CEP128: variants seen among roughly 807,000 people sequenced by gnomAD.
CEP128 encodes centrosomal protein 128.
Under a neutral mutation model 156.7 loss-of-function variants are expected in CEP128, and 132 were observed. The ratio of observed to expected loss-of-function variants is 0.84; its 90% CI spans 0.73 to 0.97. The LOEUF (loss-of-function observed/expected upper bound fraction) is 0.97. Among genes scored for constraint, CEP128 ranks in the 50% least tolerant of loss-of-function variants. CEP128 has a pLI of 0.00. For missense variants in CEP128, 1,252 were observed against 1,281.9 expected, an observed-to-expected ratio of 0.98 and a Z score of 0.36; for synonymous variants, 469 against 448.9, an observed-to-expected ratio of 1.04 and a Z score of -0.57.
At chr14:80,587,483 A>C (rs1891867904) in intron 19 of CEP128, among the ~76,000 whole-genome samples, 1 of 152,176 alleles carries the variant, frequency 6.6e-6, no homozygotes, top group Admixed American at 6.6e-5. Flanking sequence ...TTTGATGTTA[A>C]TTCATTTCTG....
chr14:80,815,182 C>T (rs142723268), intron 13 of CEP128, among the ~76,000 whole-genome samples: 20 of 152,234 alleles, frequency 1.3e-4, no homozygotes, highest in African/African-American at 4.6e-4. Context: ...GACTGATAAA[C>T]AGAATTTACA....
chr14:80,565,036 G>A (rs879491074), intron 20 of CEP128, among the ~76,000 whole-genome samples: 31 of 152,210 alleles, frequency 2.0e-4, no homozygotes, highest in Admixed American at 2.0e-3. Context: ...TCCAGCCTGG[G>A]CAAAAGGAGT....
At chr14:80,820,089 G>A (rs529445807) in intron 13 of CEP128, among the ~76,000 whole-genome samples, 1 of 152,028 alleles carries the variant, frequency 6.6e-6, no homozygotes, top group African/African-American at 2.4e-5. Flanking sequence ...ATTATATTTT[G>A]GATGTAGGAT....
intron 16 of CEP128, among the ~76,000 whole-genome samples, chr14:80,771,399 A>T (rs1900503438): frequency 1.3e-5 from 2 of 152,182 alleles, no homozygotes; most frequent in Admixed American, 6.5e-5. Flanking sequence ...AGTTTCTACC[A>T]TCTGTAGAAA....
intron 8 of CEP128, among the ~76,000 whole-genome samples, chr14:80,884,449 T>A (rs769135489): frequency 3.9e-5 from 6 of 152,128 alleles, no homozygotes; most frequent in Non-Finnish European, 8.8e-5. Flanking sequence ...CATTTCCAAC[T>A]GAGGTATCAA....
At chr14:80,549,960 C>A (rs1890145424) in intron 21 of CEP128, among the ~76,000 whole-genome samples, 1 of 152,190 alleles carries the variant, frequency 6.6e-6, no homozygotes, top group South Asian at 2.1e-4. Flanking sequence ...TCCATAGAGA[C>A]ACATGGGCAT....
chr14:80,821,951 A>T (rs571298413), intron 13 of CEP128, among the ~76,000 whole-genome samples: 1 of 114,880 alleles, frequency 8.7e-6, no homozygotes, highest in South Asian at 2.6e-4. Context: ...AAGAGAAAGG[A>T]GCTTGTGCAG....
At chr14:80,658,226 A>G (rs1238953934) in intron 19 of CEP128, among the ~76,000 whole-genome samples, 1 of 152,230 alleles carries the variant, frequency 6.6e-6, no homozygotes, top group African/African-American at 2.4e-5. Context: ...CAACTATGGA[A>G]GGATTATGGT....
chr14:80,544,542 GACCT>G (rs1404256155), intron 21 of CEP128, among the ~76,000 whole-genome samples: 30 of 152,264 alleles, frequency 2.0e-4, no homozygotes, highest in Middle Eastern at 6.8e-3. Context: ...CCAACCTCAT[GACCT>G]CATGACCTAA....
intron 8 of CEP128, among the ~76,000 whole-genome samples, chr14:80,876,468 A>G (rs564185590): frequency 6.6e-6 from 1 of 152,070 alleles, no homozygotes; most frequent in South Asian, 2.1e-4. Context: ...ATGGTGGCAC[A>G]CGCCTGTAGT....
rs182661312 is a variant in CEP128 at position 80,911,269 on chromosome 14, C to T, written c.234+3053G>A. Among the ~76,000 whole-genome samples the T allele has an allele frequency of 2.9e-3, 440 of 152,252 alleles. 3 individuals carry two copies. The highest frequency in any genetic ancestry group is 5.0e-3 in the Non-Finnish European group (341 of 68,008). On this transcript the variant is annotated intron_variant, in intron 4 of 24. Coordinates refer to ENST00000555265, the MANE Select transcript of CEP128 (RefSeq NM_152446.5). Reference sequence around the variant, plus strand: ...ATCCCAGCACTTTGGGAGGCCAAGGCGGAAGGATCACTTGGGCCCCGGAGT... The same window carrying T: ...ATCCCAGCACTTTGGGAGGCCAAGGTGGAAGGATCACTTGGGCCCCGGAGT...
chr14:80,817,868 GA>G (rs78580172), intron 13 of CEP128, among the ~76,000 whole-genome samples: 7,317 of 118,270 alleles, frequency 0.062, 182 homozygotes, highest in Non-Finnish European at 0.077. Flanking sequence ...TGACAGAGAA[GA>G]AAAAAAAAAA....
intron 20 of CEP128, among the ~76,000 whole-genome samples, chr14:80,576,420 C>A (rs969962220): frequency 6.6e-6 from 1 of 152,074 alleles, no homozygotes; most frequent in Non-Finnish European, 1.5e-5. Flanking sequence ...CACACACACA[C>A]AAAAATAAGG....
chr14:80,481,584 A>G (rs1000982571), intron 14 of CEP128, among the ~76,000 whole-genome samples: 4 of 152,232 alleles, frequency 2.6e-5, no homozygotes, highest in East Asian at 1.9e-4. Flanking sequence ...ATGTTATTGT[A>G]TACTTCAACA....
At chr14:80,667,268 C>CTT (rs1895655565) in intron 19 of CEP128, among the ~76,000 whole-genome samples, 1 of 152,162 alleles carries the variant, frequency 6.6e-6, no homozygotes, top group Admixed American at 6.5e-5. Flanking sequence ...CTGACTGAAG[C>CTT]TGAAAGGCAG....
chr14:80,563,483 G>T (rs986391178), intron 20 of CEP128, among the ~76,000 whole-genome samples: 11 of 147,892 alleles, frequency 7.4e-5, no homozygotes, highest in Admixed American at 7.4e-4. Flanking sequence ...ACTTTTTGGG[G>T]TAATGCAGAC....
At chr14:80,541,325 A>G (rs147720945) in intron 21 of CEP128, among the ~76,000 whole-genome samples, 2 of 152,068 alleles carry the variant, frequency 1.3e-5, no homozygotes, top group African/African-American at 4.8e-5. Context: ...ATAAAGAAAA[A>G]GCAAACTAAG....
At chr14:80,625,148 C>G (rs1019878899) in intron 19 of CEP128, among the ~76,000 whole-genome samples, 1 of 152,130 alleles carries the variant, frequency 6.6e-6, no homozygotes. Context: ...CATATGGATA[C>G]CCAGTTTCCC....
At chr14:80,908,098 T>C (rs1466973563) in intron 4 of CEP128, among the ~76,000 whole-genome samples, 1 of 152,234 alleles carries the variant, frequency 6.6e-6, no homozygotes, top group Admixed American at 6.5e-5. Flanking sequence ...TTTTCAGCTC[T>C]GGCTATTTTT....
Sources: allele counts gnomAD v4.1 joint callset (sites outside exome capture counted in the v4.1 genomes callset), GRCh38; gene constraint gnomAD v4.1.1; transcripts MANE v1.5; gene names NCBI Gene and HGNC (gene_info 2026-07-23, HGNC 2026-07-21).